The following GCLM variants were observed in gnomAD, a reference collection of about 807,000 sequenced individuals.
GCLM encodes glutamate-cysteine ligase modifier subunit, also known as glutamate--cysteine ligase regulatory subunit.
Under a neutral mutation model 36.0 loss-of-function variants are expected in GCLM, and 15 were observed. The observed-to-expected ratio is 0.42, with a 90% CI of 0.28 to 0.64. GCLM has a LOEUF of 0.64. Among genes scored for constraint, GCLM ranks in the 30% least tolerant of loss-of-function variants. The pLI, the probability that GCLM is intolerant of heterozygous loss-of-function variation, is 0.25. For synonymous variants in GCLM, 129 were observed against 122.8 expected (o/e 1.05, Z -0.34); for missense variants, 242 against 325.5 (o/e 0.74, Z 1.97).
At position 93,909,146 on chromosome 1, in the gene GCLM, G is replaced by A. The variant is rs1395922094; in HGVS notation, c.18C>T (p.Arg6=). ...CCCGCGCCAGGAGCGCCTTGGCCGC[G>A]CGGCTGTCGGTGCCCATGGCAGCGG... MGTDS[R]AAKALLARAR... Residue 6 remains arginine (R), a synonymous_variant, in exon 1 of 7, where the codon CGC becomes CGT. Transcript: ENST00000370238. The A allele has an allele frequency of 1.7e-5, 24 of 1,381,558 alleles. No individual in the cohort carries two copies. The highest frequency in any genetic ancestry group is 1.9e-5 in the Non-Finnish European group (20 of 1,062,172). 85.6% of individuals were successfully genotyped at this position (1,381,558 alleles called of 1,614,324 possible). A position where few individuals can be genotyped will look rare whatever the true frequency, so the allele number is the denominator to read the frequency against.
chr1:93,889,856 A>G (rs6700112), intron 6 of GCLM, among the ~76,000 whole-genome samples: 34,817 of 150,824 alleles, frequency 0.23, 4,091 homozygotes, highest in Non-Finnish European at 0.25. Context: ...GTTTTTCCTA[A>G]TATTTTGCTA....
chr1:93,908,871 C>T, intron 1 of GCLM, 167 bp downstream of exon 1: 1 of 478,668 alleles, frequency 2.1e-6, no homozygotes, highest in Non-Finnish European at 3.4e-6. Context: ...GGTTTGGACC[C>T]AAGGTCGCGT....
In GCLM at chr1:93,887,125, G is replaced by C. The variant is rs1025722098; in HGVS notation, c.*1865C>G. 3.3e-5 allele frequency: 5 copies of C among 151,154 alleles called. No homozygotes were observed. The highest frequency in any genetic ancestry group is 1.2e-4 in the African/African-American group (5 of 41,006). 9.4% of individuals were successfully genotyped at this position (151,154 alleles called of 1,614,324 possible). On this transcript the variant is annotated 3_prime_UTR_variant, in exon 7 of 7. Coordinates refer to ENST00000370238, the MANE Select transcript of GCLM (RefSeq NM_002061.4). ...ATTCTCGTGCCTCGCCTCCAAAGTA[G>C]CTGGGATTACAGGAGCCCGCCACCA...
intron 3 of GCLM, 43 bp downstream of exon 3, chr1:93,901,542 C>T: frequency 9.9e-7 from 1 of 1,015,100 alleles, no homozygotes; most frequent in South Asian, 1.3e-5. Flanking sequence ...AAATCTATCG[C>T]TTCCGCTATG....
intron 6 of GCLM, among the ~76,000 whole-genome samples, chr1:93,890,125 G>C (rs1656479825): frequency 1.3e-5 from 2 of 151,912 alleles, no homozygotes; most frequent in South Asian, 2.1e-4. Context: ...GGTCAGGCTG[G>C]TCTCGAACTC....
At chr1:93,894,507 A>T (rs1656652248) in intron 6 of GCLM, 107 bp downstream of exon 6, 2 of 659,890 alleles carry the variant, frequency 3.0e-6, no homozygotes, top group East Asian at 5.3e-5. Flanking sequence ...AGTTCAGATA[A>T]CACTGTATTT....
chr1:93,904,097 A>G (rs1447067777), intron 2 of GCLM, among the ~76,000 whole-genome samples: 1 of 152,192 alleles, frequency 6.6e-6, no homozygotes, highest in Non-Finnish European at 1.5e-5. Flanking sequence ...ATTAACATTT[A>G]TGATAGTAGC....
At chr1:93,905,819 T>G (rs1221066442) in intron 1 of GCLM, among the ~76,000 whole-genome samples, 2 of 152,278 alleles carry the variant, frequency 1.3e-5, no homozygotes, top group East Asian at 3.9e-4. Context: ...TCCAATATAT[T>G]AATTAGAAAA....
At position 93,887,311 on chromosome 1, in the gene GCLM, G is replaced by C. The variant is rs1190764851; in HGVS notation, c.*1679C>G. 2.0e-5 allele frequency: 3 copies of C among 152,036 alleles called. No individual in the cohort carries two copies. The highest frequency in any genetic ancestry group is 7.2e-5 in the African/African-American group (3 of 41,466). 9.4% of individuals were successfully genotyped at this position (152,036 alleles called of 1,614,324 possible). A position where few individuals can be genotyped will look rare whatever the true frequency, so the allele number is the denominator to read the frequency against. On this transcript the variant is annotated 3_prime_UTR_variant, in exon 7 of 7. Transcript: ENST00000370238. Reference sequence around the variant, plus strand: ...CGGGCAGATTTCACATAATTTTAATGATCAAATTACCCAATCAGTAAACCA... The same window carrying C: ...CGGGCAGATTTCACATAATTTTAATCATCAAATTACCCAATCAGTAAACCA...
rs1302603176 is a variant in GCLM at position 93,889,617 on chromosome 1, T to C, written c.656-458A>G. Among the ~76,000 whole-genome samples the C allele has an allele frequency of 2.6e-5, 4 of 151,918 alleles. No homozygotes were observed. The East Asian group carries it at 5.8e-4, about 22-fold the overall frequency. On this transcript the variant is annotated intron_variant, in intron 6 of 6. Coordinates refer to ENST00000370238, the MANE Select transcript of GCLM (RefSeq NM_002061.4). ...TATCTTCATCCATATCTTGAATCTC[T>C]ATATATCTCTAGATCTTATATCTGT...
intron 2 of GCLM, among the ~76,000 whole-genome samples, chr1:93,901,899 T>C (rs942526278): frequency 1.7e-4 from 26 of 151,550 alleles, no homozygotes; most frequent in Non-Finnish European, 3.2e-4. Flanking sequence ...GGAAAATGTA[T>C]CTCATTTTGA....
chr1:93,903,773 T>C (rs1185739923), intron 2 of GCLM, among the ~76,000 whole-genome samples: 1 of 152,178 alleles, frequency 6.6e-6, no homozygotes, highest in Non-Finnish European at 1.5e-5. Flanking sequence ...ACATTTACAA[T>C]ATCATACAAA....
At chr1:93,893,017 A>G (rs1233213550) in intron 6 of GCLM, among the ~76,000 whole-genome samples, 1 of 152,228 alleles carries the variant, frequency 6.6e-6, no homozygotes, top group Non-Finnish European at 1.5e-5. Flanking sequence ...TAAAAAATCA[A>G]TTTACTTGAT....
At chr1:93,891,178 T>C (rs988361494) in intron 6 of GCLM, among the ~76,000 whole-genome samples, 1 of 152,158 alleles carries the variant, frequency 6.6e-6, no homozygotes, top group African/African-American at 2.4e-5. Flanking sequence ...TGAGCCACCA[T>C]GCCCAGCAAA....
At position 93,894,748 on chromosome 1, in the gene GCLM, C is replaced by A; in HGVS notation, c.541-20G>T. On this transcript the variant is annotated intron_variant, in intron 5 of 6. Transcript: ENST00000370238. ...TTTTACCTAGAAGTGAAAATAAAAT[C>A]ATGATATCACTACTAAATTAAATAT... The A allele has an allele frequency of 9.3e-7, 1 of 1,071,962 alleles. No individual in the cohort carries two copies. Among genetic ancestry groups the A allele is most frequent in the Non-Finnish European group, 1.5e-6 (1 of 686,492 alleles). 66.4% of individuals were successfully genotyped at this position (1,071,962 alleles called of 1,614,324 possible). A position where few individuals can be genotyped will look rare whatever the true frequency, so the allele number is the denominator to read the frequency against.
chr1:93,899,677 C>G (rs1269258139), intron 3 of GCLM, among the ~76,000 whole-genome samples: 1 of 152,070 alleles, frequency 6.6e-6, no homozygotes, highest in East Asian at 1.9e-4. Context: ...ACACCACCAC[C>G]AATTAACAAT....
chr1:93,896,488 A>G lies in GCLM; in HGVS notation c.540+130T>C. 5.7e-6 allele frequency: 4 copies of G among 704,390 alleles called. 1 individual carries two copies. In the South Asian group the frequency reaches 7.2e-5, roughly 13 times the overall value. The allele number at this position is 704,390 out of a possible 1,614,324, so 43.6% of individuals were successfully genotyped here. The stretch of plus-strand genomic sequence containing the variant: ...GCCTCAAAACTCCTGCAGAAACAAA[A>G]CAAAACTCCCACATGTGGAAAAGTC... On this transcript the variant is annotated intron_variant, in intron 5 of 6. Coordinates refer to ENST00000370238, the MANE Select transcript of GCLM (RefSeq NM_002061.4).
chr1:93,889,693 T>C (rs1245120673), intron 6 of GCLM, among the ~76,000 whole-genome samples: 2 of 151,770 alleles, frequency 1.3e-5, no homozygotes, highest in African/African-American at 4.8e-5. Flanking sequence ...ACACTGTAGT[T>C]AAAGCCTTAT....
chr1:93,893,570 A>T (rs1415594494), intron 6 of GCLM, among the ~76,000 whole-genome samples: 1 of 152,244 alleles, frequency 6.6e-6, no homozygotes, highest in Non-Finnish European at 1.5e-5. Flanking sequence ...TCTATGAAAT[A>T]TAATTTCCTC....
Sources: gnomAD v4.1 joint callset for allele counts (sites outside exome capture counted in the v4.1 genomes callset) on GRCh38, gnomAD v4.1.1 for gene constraint, MANE v1.5 for transcripts, NCBI Gene and HGNC (gene_info 2026-07-23, HGNC 2026-07-21) for gene names.